IQCH: variants seen among roughly 807,000 people sequenced by gnomAD.
IQCH encodes IQ motif containing H.
A neutral mutation model predicts 117.0 loss-of-function variants in IQCH; 98 were observed. The observed-to-expected ratio is 0.84, with a 90% CI of 0.71 to 0.99. The LOEUF is 0.99. Among genes scored for constraint, IQCH ranks in the 50% least tolerant of loss-of-function variants. The pLI is 0.00. For missense variants in IQCH, 1,102 were observed against 1,243.8 expected, an observed-to-expected ratio of 0.89 and a Z score of 1.72; for synonymous variants, 412 against 448.2, an observed-to-expected ratio of 0.92 and a Z score of 1.02.
At chr15:67,256,625 T>C (rs1965224330) in intron 1 of IQCH, among the ~76,000 whole-genome samples, 1 of 152,208 alleles carries the variant, frequency 6.6e-6, no homozygotes. Flanking sequence ...GTTAATTCTT[T>C]GCTGCACATA....
rs1237200295 is a variant in IQCH at position 67,404,555 on chromosome 15, CAA to C, written c.2097+4252_2097+4253del. The stretch of plus-strand genomic sequence containing the variant: ...TTTAAAAGTACATAATCACTGTCCC[CAA>C]ACATAGTTGTTTTCATTTTTGTATA... On this transcript the variant is annotated intron_variant, in intron 14 of 20. Transcript: ENST00000335894. The surrounding 1 kb of genome is among the most constrained non-coding windows in gnomAD (Gnocchi z 4.6). 2.0e-5 allele frequency: 3 copies of C among 150,568 alleles called. No homozygotes were observed. Among genetic ancestry groups the C allele is most frequent in the African/African-American group, 7.5e-5 (3 of 40,046 alleles). 9.3% of individuals were successfully genotyped at this position (150,568 alleles called of 1,614,324 possible).
intron 4 of IQCH, among the ~76,000 whole-genome samples, chr15:67,286,942 G>A (rs1487990470): frequency 1.3e-5 from 2 of 152,098 alleles, no homozygotes; most frequent in Non-Finnish European, 2.9e-5. Context: ...GTTGAAATAT[G>A]TTCCTTCTAT....
Position 67,431,678 on chromosome 15 carries a change from T to C in IQCH, c.2505+10101T>C, listed in dbSNP as rs998196833. Among the ~76,000 whole-genome samples, 1 of 152,120 alleles carries C rather than the reference T, an allele frequency of 6.6e-6. No individual in the cohort carries two copies. Among genetic ancestry groups the C allele is most frequent in the Non-Finnish European group, 1.5e-5 (1 of 68,022 alleles). ...ATTGTTCTTTATATTTCACAGGAAA[T>C]TGAATAGATATAAGGTTCATTAATT... is the stretch of plus-strand genomic sequence containing the variant. On this transcript the variant is annotated intron_variant, in intron 16 of 20. Coordinates refer to ENST00000335894, the MANE Select transcript of IQCH (RefSeq NM_001031715.3). The surrounding 1 kb of genome is among the most constrained non-coding windows in gnomAD (Gnocchi z 4.8).
chr15:67,394,496 A>T (rs553521581), intron 12 of IQCH, among the ~76,000 whole-genome samples: 36 of 152,194 alleles, frequency 2.4e-4, no homozygotes, highest in Non-Finnish European at 1.0e-4. Context: ...GTTATGTGTT[A>T]ACTGTTATTT....
rs1428878999 is a variant in IQCH at position 67,422,017 on chromosome 15, T to C, written c.2505+440T>C. On this transcript the variant is annotated intron_variant, in intron 16 of 20. Coordinates refer to ENST00000335894, the MANE Select transcript of IQCH (RefSeq NM_001031715.3). This position sits in a 1 kb window ranked among gnomAD's most constrained non-coding sequence, Gnocchi z 4.7. ...GGGAGGCTGAGGCAGGAGAATCACTTGAACCCGGGAGGCAGAGGTTGCAAT... is the reference window on the plus strand; with the variant it reads ...GGGAGGCTGAGGCAGGAGAATCACTCGAACCCGGGAGGCAGAGGTTGCAAT... Among the ~76,000 whole-genome samples the C allele has an allele frequency of 1.3e-5, 2 of 151,730 alleles. No individual in the cohort carries two copies. Among genetic ancestry groups the C allele is most frequent in the East Asian group, 3.9e-4 (2 of 5,182 alleles).
chr15:67,492,182 T>G (rs1421037839), intron 19 of IQCH, among the ~76,000 whole-genome samples: 1 of 152,174 alleles, frequency 6.6e-6, no homozygotes, highest in Non-Finnish European at 1.5e-5. Context: ...TTTCCCAACT[T>G]ATGAATCGAG....
At chr15:67,293,104 A>G (rs923574488) in intron 4 of IQCH, among the ~76,000 whole-genome samples, 1 of 152,188 alleles carries the variant, frequency 6.6e-6, no homozygotes, top group South Asian at 2.1e-4. Context: ...TCAATTCCTC[A>G]TCTGCAAAAT....
Position 67,474,333 on chromosome 15 carries a change from C to A in IQCH, c.2677-1363C>A, listed in dbSNP as rs1172316773. ...TAAGTCTGGGTACCTAGTTGCCCAG[C>A]ACCTGTGCGTCACCACAGTTCAAGA... On this transcript the variant is annotated intron_variant, in intron 17 of 20. Transcript: ENST00000335894. The surrounding 1 kb of genome is among the most constrained non-coding windows in gnomAD (Gnocchi z 4.1). 6.6e-6 allele frequency among the ~76,000 whole-genome samples: 1 copy of A among 152,124 alleles called. No individual in the cohort carries two copies. Among genetic ancestry groups the A allele is most frequent in the Admixed American group, 6.5e-5 (1 of 15,278 alleles).
At chr15:67,409,628 TA>T (rs1220935293) in intron 14 of IQCH, among the ~76,000 whole-genome samples, 1 of 152,236 alleles carries the variant, frequency 6.6e-6, no homozygotes, top group African/African-American at 2.4e-5. Context: ...TGGAATTATA[TA>T]CCGCATTTTC....
rs1173525714 is a variant in IQCH at position 67,281,663 on chromosome 15, T to C, written c.387+2151T>C. On this transcript the variant is annotated intron_variant, in intron 4 of 20. Transcript: ENST00000335894. ...CTGGAAAGGGGAGGCCTTGGCAGCA[T>C]TGGTGGAGATTCTCTACAGAAGCAA... 6.6e-6 allele frequency: 3 copies of C among 453,936 alleles called. No individual in the cohort carries two copies. In the East Asian group the frequency reaches 2.1e-4, roughly 31 times the overall value. The allele number at this position is 453,936 out of a possible 1,614,324, so 28.1% of individuals were successfully genotyped here.
At chr15:67,315,024 C>T (rs1289880722) in intron 4 of IQCH, among the ~76,000 whole-genome samples, 2 of 152,104 alleles carry the variant, frequency 1.3e-5, no homozygotes, top group Non-Finnish European at 1.5e-5. Context: ...TAGTGAAGCC[C>T]AAGATCTAAC....
intron 16 of IQCH, among the ~76,000 whole-genome samples, chr15:67,444,896 GTCT>G (rs1184315433): frequency 6.6e-6 from 1 of 152,122 alleles, no homozygotes; most frequent in Non-Finnish European, 1.5e-5. Context: ...GACACCATCT[GTCT>G]TCATAGAAAA....
intron 20 of IQCH, among the ~76,000 whole-genome samples, chr15:67,499,926 G>C (rs2083934910): frequency 6.6e-6 from 1 of 152,194 alleles, no homozygotes; most frequent in Non-Finnish European, 1.5e-5. Context: ...GATCCATAGA[G>C]ACAGAAATAG....
intron 3 of IQCH, among the ~76,000 whole-genome samples, chr15:67,268,599 AAAG>A (rs1167228195): frequency 6.6e-6 from 1 of 152,210 alleles, no homozygotes; most frequent in Non-Finnish European, 1.5e-5. Flanking sequence ...AAAGAAAAGA[AAAG>A]AAACAAGAAC....
intron 14 of IQCH, among the ~76,000 whole-genome samples, chr15:67,415,571 C>T (rs2081555920): frequency 6.6e-6 from 1 of 152,180 alleles, no homozygotes; most frequent in Admixed American, 6.5e-5. Context: ...TGTCAGTGGG[C>T]ACTGGACCTA....
rs957691087 is a variant in IQCH, at chr15:67,424,036, G to A, written c.2505+2459G>A. Among the ~76,000 whole-genome samples, 13 of 152,080 alleles carry A rather than the reference G, an allele frequency of 8.5e-5. No individual in the cohort carries two copies. Among genetic ancestry groups the A allele is most frequent in the African/African-American group, 3.1e-4 (13 of 41,402 alleles). ...AGTCAAAAGGATCTTCTCCAAACAC[G>A]ATGCCAGTCCTTCCTTGGGCTTACC... On this transcript the variant is annotated intron_variant, in intron 16 of 20. Transcript: ENST00000335894. The surrounding 1 kb of genome is among the most constrained non-coding windows in gnomAD (Gnocchi z 4.9).
chr15:67,290,942 C>T (rs1360281131), intron 4 of IQCH, among the ~76,000 whole-genome samples: 1 of 79,776 alleles, frequency 1.3e-5, no homozygotes, highest in East Asian at 3.7e-4. Flanking sequence ...GCACTGCTGG[C>T]CTTTATGGGC....
In IQCH at chr15:67,376,806, T is replaced by C. The variant is rs770216603; in HGVS notation, c.1372+3373T>C. The stretch of plus-strand genomic sequence containing the variant: ...TATGAACAGTAAGACAATTAAACAT[T>C]GTGGAGTAACCTCTTTGAAAGGAGG... On this transcript the variant is annotated intron_variant, in intron 10 of 20. Coordinates refer to ENST00000335894, the MANE Select transcript of IQCH (RefSeq NM_001031715.3). This position sits in a 1 kb window ranked among gnomAD's most constrained non-coding sequence, Gnocchi z 5.0. Among the ~76,000 whole-genome samples, 3 of 152,150 alleles carry C rather than the reference T, an allele frequency of 2.0e-5. No individual in the cohort carries two copies. Among genetic ancestry groups the C allele is most frequent in the Non-Finnish European group, 2.9e-5 (2 of 68,022 alleles).
At chr15:67,270,507 G>A (rs1290502791) in intron 3 of IQCH, among the ~76,000 whole-genome samples, 1 of 152,224 alleles carries the variant, frequency 6.6e-6, no homozygotes, top group Non-Finnish European at 1.5e-5. Context: ...GGAACCTGAT[G>A]GAAGGTGTTT....
Sources: gnomAD v4.1 joint callset for allele counts (sites outside exome capture counted in the v4.1 genomes callset) on GRCh38, gnomAD v4.1.1 for gene constraint, Gnocchi (gnomAD v3.1) non-coding constraint, MANE v1.5 for transcripts, NCBI Gene and HGNC (gene_info 2026-07-23, HGNC 2026-07-21) for gene names.